The following NFIB variants were observed in gnomAD, a reference collection of about 807,000 sequenced individuals.
NFIB encodes nuclear factor 1 B-type.
In NFIB, 11 loss-of-function variants were observed where a neutral mutation model predicts 61.5. The observed-to-expected ratio is 0.18, with a 90% CI of 0.11 to 0.30. The LOEUF (loss-of-function observed/expected upper bound fraction) is 0.30. Among genes scored for constraint, NFIB ranks in the 10% least tolerant of loss-of-function variants. The pLI, the probability that NFIB is intolerant of heterozygous loss-of-function variation, is 1.00. For missense variants in NFIB, 471 were observed against 608.9 expected (o/e 0.77, Z 2.38); for synonymous variants, 260 against 216.5 (o/e 1.20, Z -1.76).
chr9:14,132,137 T>G (rs1346306947), intron 6 of NFIB, among the ~76,000 whole-genome samples: 2 of 152,210 alleles, frequency 1.3e-5, no homozygotes, highest in East Asian at 3.8e-4. Context: ...TGGAAGCTAT[T>G]ATTTTCAGCA....
chr9:14,151,592 C>T (rs147029630), intron 4 of NFIB, among the ~76,000 whole-genome samples: 226 of 152,190 alleles, frequency 1.5e-3, no homozygotes, highest in Admixed American at 4.1e-3. Context: ...TTGAATTGTC[C>T]AAGAAGTCTG....
At chr9:14,123,213 C>T (rs1167143040) in intron 7 of NFIB, among the ~76,000 whole-genome samples, 5 of 149,060 alleles carry the variant, frequency 3.4e-5, no homozygotes, top group East Asian at 4.0e-4. Context: ...GCCAAGATCA[C>T]GCCACTACAC....
intron 1 of NFIB, among the ~76,000 whole-genome samples, chr9:14,374,809 C>G (rs1254303836): frequency 1.3e-5 from 2 of 152,054 alleles, no homozygotes; most frequent in Non-Finnish European, 2.9e-5. Context: ...ACTCAGGAAG[C>G]TGAGGCAGGA....
intron 2 of NFIB, among the ~76,000 whole-genome samples, chr9:14,247,096 T>C (rs2055023469): frequency 6.6e-6 from 1 of 152,136 alleles, no homozygotes; most frequent in South Asian, 2.1e-4. Context: ...GCTAATTCCC[T>C]GATCTCAGAC....
the NFIB span, among the ~76,000 whole-genome samples, chr9:14,478,072 G>A: frequency 6.6e-6 from 1 of 152,078 alleles, no homozygotes; most frequent in Non-Finnish European, 1.5e-5. Context: ...TTCTCTGGCT[G>A]CTGTCTCTGT....
At chr9:14,164,664 G>C (rs10756532) in intron 3 of NFIB, among the ~76,000 whole-genome samples, 116,321 of 152,078 alleles carry the variant, frequency 0.76, 50,990 homozygotes, top group Non-Finnish European at 0.98. Flanking sequence ...CTACAACTTT[G>C]AAAACTTAAA....
intron 2 of NFIB, among the ~76,000 whole-genome samples, chr9:14,238,199 A>G (rs1219415971): frequency 6.6e-6 from 1 of 152,018 alleles, no homozygotes; most frequent in East Asian, 1.9e-4. Context: ...CAGAAAGGAC[A>G]GACAGAGCAA....
exon 1 of NFIB, chr9:14,398,524 A>G (rs879595607): frequency 3.3e-6 from 5 of 1,532,434 alleles, no homozygotes; most frequent in Non-Finnish European, 4.4e-6. Context: ...TTAGACTCAC[A>G]GAAAATCCAA....
chr9:14,426,058 T>C, the NFIB span, among the ~76,000 whole-genome samples: 1 of 152,188 alleles, frequency 6.6e-6, no homozygotes, highest in Non-Finnish European at 1.5e-5. Context: ...TCTGCCTTTT[T>C]TGGAAATGCG....
intron 5 of NFIB, 50 bp downstream of exon 5, chr9:14,150,095 G>A (rs754983731): frequency 2.1e-5 from 34 of 1,607,630 alleles, no homozygotes; most frequent in Non-Finnish European, 2.8e-5. Context: ...ATCCACCTAC[G>A]AACCTATGTG....
intron 2 of NFIB, among the ~76,000 whole-genome samples, chr9:14,243,329 T>C (rs964747595): frequency 6.6e-6 from 1 of 152,184 alleles, no homozygotes; most frequent in East Asian, 1.9e-4. Context: ...TCAAAAAATA[T>C]ATAATATTCT....
At chr9:14,133,551 T>A (rs1166293388) in intron 6 of NFIB, among the ~76,000 whole-genome samples, 4 of 152,158 alleles carry the variant, frequency 2.6e-5, no homozygotes, top group Non-Finnish European at 4.4e-5. Context: ...CCAGAGTCAG[T>A]CCTGAGACAA....
chr9:14,238,071 G>A (rs897630521), intron 2 of NFIB, among the ~76,000 whole-genome samples: 12 of 152,036 alleles, frequency 7.9e-5, no homozygotes, highest in South Asian at 2.1e-4. Context: ...CTGGGAAGAA[G>A]AGAGTGGTAG....
intron 2 of NFIB, among the ~76,000 whole-genome samples, chr9:14,228,594 T>C (rs1360754255): frequency 6.6e-6 from 1 of 152,240 alleles, no homozygotes; most frequent in East Asian, 1.9e-4. Flanking sequence ...TAATTGTTCA[T>C]TTAATTTATT....
At chr9:14,314,890 G>A (rs754242876), upstream of NFIB, among the ~76,000 whole-genome samples, 11 of 151,442 alleles carry the variant, frequency 7.3e-5, no homozygotes, top group Non-Finnish European at 8.8e-5. Flanking sequence ...GAGGTATTTC[G>A]GTGCTCGCTG....
the NFIB span, among the ~76,000 whole-genome samples, chr9:14,461,774 G>C: frequency 6.6e-6 from 1 of 152,232 alleles, no homozygotes; most frequent in African/African-American, 2.4e-5. Context: ...ACCCTAAGTT[G>C]TGGAAACTTT....
Position 14,120,045 on chromosome 9 carries a change from G to C in NFIB, c.1245+395C>G, listed in dbSNP as rs1022430274. 6.6e-6 allele frequency among the ~76,000 whole-genome samples: 1 copy of C among 152,156 alleles called. No individual in the cohort carries two copies. Among genetic ancestry groups the C allele is most frequent in the African/African-American group, 2.4e-5 (1 of 41,434 alleles). On this transcript the variant is annotated intron_variant, in intron 8 of 10. Transcript: ENST00000380953. This position sits in a 1 kb window ranked among gnomAD's most constrained non-coding sequence, Gnocchi z 4.4. The stretch of plus-strand genomic sequence containing the variant: ...TAATAGTTGGTCTATAAATACAACT[G>C]TAAGTTCTTTTGTGTGTGTTTATTT...
chr9:14,511,142 T>C, the NFIB span, among the ~76,000 whole-genome samples: 1 of 152,182 alleles, frequency 6.6e-6, no homozygotes, highest in Non-Finnish European at 1.5e-5. Context: ...CCACTAGCAA[T>C]GCTTCTTTAT....
At chr9:14,332,903 T>A (rs538783939) in intron 1 of NFIB, among the ~76,000 whole-genome samples, 41 of 152,156 alleles carry the variant, frequency 2.7e-4, no homozygotes, top group African/African-American at 8.9e-4. Context: ...TTCAATGAGG[T>A]CGGAAGGGTG....
Sources: allele counts gnomAD v4.1 joint callset (sites outside exome capture counted in the v4.1 genomes callset), GRCh38; gene constraint gnomAD v4.1.1; non-coding constraint Gnocchi (gnomAD v3.1); transcripts MANE v1.5; gene names NCBI Gene and HGNC (gene_info 2026-07-23, HGNC 2026-07-21).